LUZP2: variants seen among roughly 807,000 people sequenced by gnomAD.
LUZP2 encodes leucine zipper protein 2.
A neutral mutation model predicts 51.6 loss-of-function variants in LUZP2; 52 were observed. The ratio of observed to expected loss-of-function variants is 1.01; its 90% confidence interval spans 0.81 to 1.27. The LOEUF (loss-of-function observed/expected upper bound fraction) is 1.27. Among genes scored for constraint, LUZP2 ranks in the 50% most tolerant of loss-of-function variants. LUZP2 has a pLI of 0.00. For synonymous variants in LUZP2, 154 were observed against 137.3 expected, an observed-to-expected ratio of 1.12 and a Z score of -0.85; for missense variants, 436 against 395.4, an observed-to-expected ratio of 1.10 and a Z score of -0.87.
chr11:24,986,688 T>G (rs1213661039), intron 9 of LUZP2, among the ~76,000 whole-genome samples: 1 of 151,616 alleles, frequency 6.6e-6, no homozygotes. Flanking sequence ...GGCAAATTAA[T>G]AAACAAAAAG....
intron 1 of LUZP2, among the ~76,000 whole-genome samples, chr11:24,649,343 TA>T (rs374401027): frequency 2.0e-5 from 3 of 152,084 alleles, no homozygotes; most frequent in Non-Finnish European, 2.9e-5. Context: ...GGGTGATTTT[TA>T]TTTATGCTGC....
In LUZP2 at chr11:24,885,817, A is replaced by C. The variant is rs186456365; in HGVS notation, c.397-20174A>C. On this transcript the variant is annotated intron_variant, in intron 5 of 11. Coordinates refer to ENST00000336930, the MANE Select transcript of LUZP2 (RefSeq NM_001009909.4). Reference sequence around the variant, plus strand: ...GAACTAACACTAGATATTTGAGCTGATTCGATTCTAAGTGAAGAATAGAAA... The same window carrying C: ...GAACTAACACTAGATATTTGAGCTGCTTCGATTCTAAGTGAAGAATAGAAA... Among the ~76,000 whole-genome samples the C allele has an allele frequency of 2.0e-5, 3 of 152,298 alleles. No homozygotes were observed. In the South Asian group the frequency reaches 6.2e-4, roughly 32 times the overall value.
At chr11:24,627,987 TG>T (rs1445834518) in intron 1 of LUZP2, among the ~76,000 whole-genome samples, 1 of 152,214 alleles carries the variant, frequency 6.6e-6, no homozygotes, top group African/African-American at 2.4e-5. Flanking sequence ...AATTAGACCC[TG>T]AAATATTTAC....
Position 24,738,224 on chromosome 11 carries a change from A to C in LUZP2, c.255A>C (p.Glu85Asp). The C allele has an allele frequency of 6.2e-7, 1 of 1,601,962 alleles. No homozygotes were observed. The highest frequency in any genetic ancestry group is 8.5e-7 in the Non-Finnish European group (1 of 1,171,240). ...GCTCTGTTTTCTACTAAAATAGAGA[A>C]GAAATGAAGTCTCTTCAGGAGGCCC... ...KLLELGQKQR[E>D]EMKSLQEALQ... is the part of the protein sequence containing the mutation. The change falls in exon 4 of 12, where the codon GAA (glutamate) becomes GAC (aspartate). Residue 85 changes from glutamate (E) to aspartate (D), a missense_variant. By Grantham distance (45) the Glu-to-Asp change is conservative. Transcript: ENST00000336930.
intron 10 of LUZP2, among the ~76,000 whole-genome samples, chr11:25,076,634 G>A (rs1255446424): frequency 7.1e-6 from 1 of 140,974 alleles, no homozygotes; most frequent in Admixed American, 7.2e-5. Context: ...AAGGGAGGAA[G>A]GGAAAAAGAG....
chr11:24,872,370 G>C (rs941720555), intron 5 of LUZP2, among the ~76,000 whole-genome samples: 8 of 152,180 alleles, frequency 5.3e-5, no homozygotes, highest in South Asian at 2.1e-4. Flanking sequence ...CGCTGTATTT[G>C]CTTGCTCTAT....
rs201953713 is a variant in LUZP2 at position 25,021,307 on chromosome 11, A to C, written c.766-28731A>C. Among the ~76,000 whole-genome samples the C allele has an allele frequency of 6.8e-3, 1,034 of 152,160 alleles. 35 individuals carry two copies. In the East Asian group the frequency reaches 0.099, roughly 15 times the overall value. ...GGATAATTGGGAATTTGTCAGAAAA[A>C]AAAAAAGGATGTTTTGGGAAGTAGA... is the stretch of plus-strand genomic sequence containing the variant. On this transcript the variant is annotated intron_variant, in intron 9 of 11. Coordinates refer to ENST00000336930, the MANE Select transcript of LUZP2 (RefSeq NM_001009909.4).
intron 7 of LUZP2, among the ~76,000 whole-genome samples, chr11:24,918,844 T>A (rs1271248141): frequency 1.6e-5 from 1 of 61,588 alleles, no homozygotes; most frequent in Non-Finnish European, 2.7e-5. Flanking sequence ...TTGGAATACA[T>A]CTATATATAT....
chr11:24,519,432 T>C (rs535806300), intron 1 of LUZP2, among the ~76,000 whole-genome samples: 1 of 152,332 alleles, frequency 6.6e-6, no homozygotes, highest in Admixed American at 6.5e-5. Context: ...CTTGAGATTT[T>C]ATTGTTTAGT....
intron 4 of LUZP2, among the ~76,000 whole-genome samples, chr11:24,751,096 T>C (rs1463026383): frequency 1.3e-5 from 2 of 152,266 alleles, no homozygotes; most frequent in East Asian, 1.9e-4. Context: ...ATCATCAGAA[T>C]CATTCATTAA....
intron 7 of LUZP2, among the ~76,000 whole-genome samples, chr11:24,961,450 A>G (rs1855402357): frequency 2.6e-5 from 4 of 152,238 alleles, no homozygotes; most frequent in African/African-American, 7.2e-5. Context: ...GTGCATATAT[A>G]TTTAGAATAG....
Position 25,077,376 on chromosome 11 carries a change from T to C in LUZP2, c.906T>C (p.Asn302=). 6.2e-7 allele frequency: 1 copy of C among 1,613,180 alleles called. No homozygotes were observed. Among genetic ancestry groups the C allele is most frequent in the Non-Finnish European group, 8.5e-7 (1 of 1,179,364 alleles). Residue 302 remains asparagine (N), a synonymous_variant, in exon 11 of 12, where the codon AAT becomes AAC. Transcript: ENST00000336930. ...AGCACAAAGAAAGTCCCCCAAGTAA[T>C]GCCACTGCAGAAACCGAGCCTATCC... ...SMKHKESPPS[N]ATAETEPIPQ...
At chr11:24,666,886 A>T (rs1040046882) in intron 1 of LUZP2, among the ~76,000 whole-genome samples, 2 of 152,214 alleles carry the variant, frequency 1.3e-5, no homozygotes, top group African/African-American at 4.8e-5. Context: ...GAAGCAAAGC[A>T]TGGTGGACAG....
chr11:24,678,080 G>T (rs891788044), intron 1 of LUZP2, among the ~76,000 whole-genome samples: 3 of 137,536 alleles, frequency 2.2e-5, no homozygotes, highest in Non-Finnish European at 4.7e-5. Flanking sequence ...GAGAAAGGGG[G>T]GGGGGGGTGA....
chr11:24,819,793 A>G (rs1016213100), intron 5 of LUZP2, among the ~76,000 whole-genome samples: 2 of 152,090 alleles, frequency 1.3e-5, no homozygotes, highest in Non-Finnish European at 2.9e-5. Flanking sequence ...AATAGTATAC[A>G]TTGTAGAGTT....
chr11:24,992,450 G>A lies in LUZP2; in HGVS notation c.765+9157G>A, dbSNP rs186769099. ...ATACAATAAGGTGGTATTGGCTGCT[G>A]GCTGTTTTAATGGAATTAGATTAAT... is the stretch of plus-strand genomic sequence containing the variant. On this transcript the variant is annotated intron_variant, in intron 9 of 11. Transcript: ENST00000336930. Among the ~76,000 whole-genome samples, 40 of 152,146 alleles carry A rather than the reference G, an allele frequency of 2.6e-4. 1 individual carries two copies. The highest frequency in any genetic ancestry group is 9.6e-4 in the African/African-American group (40 of 41,524).
intron 1 of LUZP2, among the ~76,000 whole-genome samples, chr11:24,561,077 G>A (rs955599619): frequency 3.3e-5 from 5 of 152,124 alleles, no homozygotes; most frequent in Admixed American, 6.6e-5. Flanking sequence ...GACAAACAAT[G>A]TTGAAAAATT....
At chr11:24,627,969 G>C (rs1342347732) in intron 1 of LUZP2, among the ~76,000 whole-genome samples, 1 of 152,124 alleles carries the variant, frequency 6.6e-6, no homozygotes, top group Non-Finnish European at 1.5e-5. Flanking sequence ...ATCAGAGCTA[G>C]TCAAACAAAT....
At chr11:24,718,032 C>T (rs1256746742) in intron 1 of LUZP2, among the ~76,000 whole-genome samples, 1 of 152,138 alleles carries the variant, frequency 6.6e-6, no homozygotes, top group Non-Finnish European at 1.5e-5. Flanking sequence ...TATTCAAAAG[C>T]TATTGCAGTA....
Sources: allele counts gnomAD v4.1 joint callset (sites outside exome capture counted in the v4.1 genomes callset), GRCh38; gene constraint gnomAD v4.1.1; transcripts MANE v1.5; gene names NCBI Gene and HGNC (gene_info 2026-07-23, HGNC 2026-07-21).